The following SP140L variants were observed in gnomAD, a reference collection of about 807,000 sequenced individuals.
The protein encoded by SP140L is nuclear body protein SP140-like protein.
Under a neutral mutation model 84.3 loss-of-function variants are expected in SP140L, and 64 were observed. That is an observed-to-expected ratio of 0.76 (90% confidence interval 0.62 to 0.94). The LOEUF is 0.94. Ranked by LOEUF, SP140L falls within the 40% of genes least tolerant of loss-of-function variation. The pLI, the probability that SP140L is intolerant of heterozygous loss-of-function variation, is 0.00. For missense variants in SP140L, 628 were observed against 692.5 expected, an observed-to-expected ratio of 0.91 and a Z score of 1.05; for synonymous variants, 242 against 236.9, an observed-to-expected ratio of 1.02 and a Z score of -0.20.
chr2:230,384,171 G>A (rs10933335), intron 8 of SP140L, among the ~76,000 whole-genome samples: 27,984 of 151,860 alleles, frequency 0.18, 2,940 homozygotes, highest in South Asian at 0.44. Context: ...TATATGTGTT[G>A]TATTAAAATT....
rs139445623 is a variant in SP140L, at chr2:230,367,237, TTTACTC to T, written c.524-3669_524-3664del. ...GCCTACAAAAACTCTGTACTGTACT[TTTACTC>T]TAACTTCTCATTTTCTTTTCTTTTC... On this transcript the variant is annotated intron_variant, in intron 5 of 18. Transcript: ENST00000415673. Among the ~76,000 whole-genome samples the T allele has an allele frequency of 1.7e-3, 260 of 152,036 alleles. 1 individual carries two copies. Among genetic ancestry groups the T allele is most frequent in the African/African-American group, 5.7e-3 (237 of 41,506 alleles).
intron 2 of SP140L, among the ~76,000 whole-genome samples, chr2:230,333,567 T>C (rs2059785307): frequency 6.6e-6 from 1 of 152,192 alleles, no homozygotes; most frequent in Non-Finnish European, 1.5e-5. Context: ...ATGGTTTGCC[T>C]TGGCGTGAGT....
At position 230,357,947 on chromosome 2, in the gene SP140L, A is replaced by G. The variant is rs1301592639; in HGVS notation, c.250A>G (p.Ile84Val). The stretch of plus-strand genomic sequence containing the variant: ...TGAGGGCCTCCGCGATCGGGAACTC[A>G]TCACAAATAAAATGTTTGAAGTAAG... ...FLEGLRDREL[I>V]TNKMFEDSED... The change falls in exon 3 of 19, where the codon ATC (isoleucine) becomes GTC (valine). Residue 84 changes from isoleucine (I) to valine (V), a missense_variant. By Grantham distance (29) the Ile-to-Val change is conservative. Around this residue, in one of 4 missense-constraint regions of SP140L, gnomAD observed 525 missense variants for 518.4 expected, o/e 1.01. Transcript: ENST00000415673. 1 of 1,613,354 alleles carries G rather than the reference A, an allele frequency of 6.2e-7. No individual in the cohort carries two copies.
chr2:230,327,426 G>A (rs1421701718), intron 1 of SP140L, 125 bp downstream of exon 1: 2 of 1,067,878 alleles, frequency 1.9e-6, no homozygotes, highest in African/African-American at 1.6e-5. Flanking sequence ...GGTAGGTAGT[G>A]TAATATAATG....
intron 5 of SP140L, among the ~76,000 whole-genome samples, chr2:230,368,201 A>G (rs2060947061): frequency 6.6e-6 from 1 of 152,194 alleles, no homozygotes. Context: ...TGCCTAGGAA[A>G]GTCTTTACCT....
intron 2 of SP140L, among the ~76,000 whole-genome samples, chr2:230,329,520 C>T (rs2059669369): frequency 6.6e-6 from 1 of 152,080 alleles, no homozygotes; most frequent in Non-Finnish European, 1.5e-5. Flanking sequence ...AGAGAGGGAC[C>T]TGGTGGGAGG....
intron 2 of SP140L, among the ~76,000 whole-genome samples, chr2:230,349,279 G>A (rs2060296571): frequency 6.6e-6 from 1 of 152,164 alleles, no homozygotes; most frequent in African/African-American, 2.4e-5. Context: ...TTTATAATAA[G>A]TGTTGAAATA....
chr2:230,380,736 G>A (rs574968883), intron 7 of SP140L, among the ~76,000 whole-genome samples: 6 of 152,102 alleles, frequency 3.9e-5, no homozygotes, highest in East Asian at 1.9e-4. Flanking sequence ...GTTTTACAGC[G>A]TGTTCTCTTT....
chr2:230,383,445 A>G (rs551607103), intron 7 of SP140L, 65 bp from the exon 8 acceptor site: 410 of 1,493,782 alleles, frequency 2.7e-4, no homozygotes, highest in Non-Finnish European at 3.5e-4. Flanking sequence ...TACTACTAGC[A>G]TATAAAGCTC....
chr2:230,392,171 C>T lies in SP140L; in HGVS notation c.1049C>T (p.Ser350Leu). The T allele has an allele frequency of 6.2e-7, 1 of 1,614,096 alleles. No homozygotes were observed. Among genetic ancestry groups the T allele is most frequent in the Non-Finnish European group, 8.5e-7 (1 of 1,179,960 alleles). Residue 350 changes from serine to leucine, a missense_variant, in exon 12 of 19, where the codon TCA (serine) becomes TTA (leucine). Coordinates refer to ENST00000415673, the MANE Select transcript of SP140L (RefSeq NM_138402.6). The part of the protein sequence containing the change: ...EFEIKGGYAR[S>L]KNWRLSVRCG... The stretch of plus-strand genomic sequence containing the variant: ...GAAATCAAAGGAGGCTACGCAAGAT[C>T]AAAGAACTGGAGGCTGAGTGTGCGC...
intron 3 of SP140L, 117 bp from the exon 4 acceptor site, chr2:230,358,847 C>A: frequency 1.3e-6 from 1 of 797,936 alleles, no homozygotes; most frequent in Non-Finnish European, 1.9e-6. Flanking sequence ...TAAAACTTTA[C>A]ATGAGAAGAT....
chr2:230,327,217 T>G lies in SP140L; in HGVS notation c.-53T>G. ...CACACTGCACGCAGGCTGGGCCGACTGGGGAGCTCATAGGCCAGGCTCTGA... is the reference window on the plus strand; with the variant it reads ...CACACTGCACGCAGGCTGGGCCGACGGGGGAGCTCATAGGCCAGGCTCTGA... On this transcript the variant is annotated 5_prime_UTR_variant, in exon 1 of 19. Coordinates refer to ENST00000415673, the MANE Select transcript of SP140L (RefSeq NM_138402.6). The G allele has an allele frequency of 6.3e-7, 1 of 1,581,110 alleles. No homozygotes were observed. Among genetic ancestry groups the G allele is most frequent in the Non-Finnish European group, 8.6e-7 (1 of 1,163,022 alleles).
intron 2 of SP140L, among the ~76,000 whole-genome samples, chr2:230,332,469 A>G (rs978831371): frequency 6.6e-6 from 1 of 152,222 alleles, no homozygotes; most frequent in African/African-American, 2.4e-5. Flanking sequence ...TTCACATAAT[A>G]GGGCAGAAGA....
At chr2:230,355,333 A>G (rs939953440) in intron 2 of SP140L, among the ~76,000 whole-genome samples, 4 of 152,210 alleles carry the variant, frequency 2.6e-5, no homozygotes, top group Admixed American at 2.6e-4. Context: ...GAAAAGCAGT[A>G]TCCTTTAAAG....
At chr2:230,355,788 A>T (rs1441555462) in intron 2 of SP140L, among the ~76,000 whole-genome samples, 1 of 152,166 alleles carries the variant, frequency 6.6e-6, no homozygotes, top group African/African-American at 2.4e-5. Flanking sequence ...TAGTACACTA[A>T]AGTCATTAAT....
chr2:230,400,018 T>C (rs3769849), intron 14 of SP140L, 109 bp from the exon 15 acceptor site: 308,002 of 1,097,028 alleles, frequency 0.28, 45,119 homozygotes, highest in Non-Finnish European at 0.3. Context: ...GAGAAGCATA[T>C]GCCTGTCTAT....
At position 230,392,194 on chromosome 2, in the gene SP140L, C is replaced by T. The variant is rs61750011; in HGVS notation, c.1072C>T (p.Arg358Cys). Residue 358 changes from arginine (R) to cysteine (C), a missense_variant, in exon 12 of 19, where the codon CGC (arginine) becomes TGC (cysteine). Around this residue, in one of 4 missense-constraint regions of SP140L, gnomAD observed 525 missense variants for 518.4 expected, o/e 1.01. Transcript: ENST00000415673. ...ARSKNWRLSVRCGGWPLRRLM... is the reference protein window; with the variant it reads ...ARSKNWRLSVCCGGWPLRRLM... ...ATCAAAGAACTGGAGGCTGAGTGTGCGCTGTGGCGGGTGGCCCCTACGACG... is the reference window on the plus strand; with the variant it reads ...ATCAAAGAACTGGAGGCTGAGTGTGTGCTGTGGCGGGTGGCCCCTACGACG... The T allele has an allele frequency of 1.4e-4, 222 of 1,614,018 alleles. No individual in the cohort carries two copies. The African/African-American group carries it at 2.5e-3, about 18-fold the overall frequency.
intron 4 of SP140L, among the ~76,000 whole-genome samples, chr2:230,359,989 T>TGGTATTGGTGCTATACCAAACTAAAGTTA (rs2060665444): frequency 1.3e-5 from 2 of 151,530 alleles, no homozygotes; most frequent in East Asian, 1.9e-4. Context: ...AACTAAAGTT[T>TGGTATTGGTGCTATACCAAACTAAAGTTA]TGATTCTTGA....
intron 2 of SP140L, among the ~76,000 whole-genome samples, chr2:230,348,188 T>C (rs979238770): frequency 2.0e-5 from 3 of 152,352 alleles, no homozygotes; most frequent in African/African-American, 7.2e-5. Flanking sequence ...AAAGTGAAAC[T>C]GTATGACTCA....
Sources: allele counts gnomAD v4.1 joint callset (sites outside exome capture counted in the v4.1 genomes callset), GRCh38; gene constraint gnomAD v4.1.1; regional missense constraint gnomAD v4.1.1; transcripts MANE v1.5; gene names NCBI Gene and HGNC (gene_info 2026-07-23, HGNC 2026-07-21).